The following GRXCR2 variants were observed in gnomAD, a reference collection of about 807,000 sequenced individuals.
GRXCR2 encodes the protein glutaredoxin domain-containing cysteine-rich protein 2.
Under a neutral mutation model 24.8 loss-of-function variants are expected in GRXCR2, and 23 were observed. The observed-to-expected ratio is 0.93, with a 90% CI of 0.67 to 1.32. The LOEUF is 1.32. GRXCR2 is among the 40% of genes most tolerant of loss of function. GRXCR2 has a pLI of 0.00. For missense variants in GRXCR2, 315 were observed against 303.4 expected (o/e 1.04, Z -0.28); for synonymous variants, 130 against 116.1 (o/e 1.12, Z -0.77).
chr5:145,878,085 G>A (rs956203245), intron 2 of GRXCR2, among the ~76,000 whole-genome samples: 1 of 152,154 alleles, frequency 6.6e-6, no homozygotes, highest in Admixed American at 6.6e-5. Flanking sequence ...CACAAAGATG[G>A]GGAGAAACCA....
upstream of GRXCR2, among the ~76,000 whole-genome samples, chr5:145,877,783 C>T (rs559527535): frequency 7.2e-4 from 109 of 152,354 alleles, 1 homozygote; most frequent in Admixed American, 7.1e-3. Context: ...CCGACAGACA[C>T]CTCATATAGG....
intron 2 of GRXCR2, among the ~76,000 whole-genome samples, chr5:145,895,784 T>G (rs1756940059): frequency 6.6e-6 from 1 of 152,158 alleles, no homozygotes; most frequent in Admixed American, 6.5e-5. Flanking sequence ...AAAACTACTT[T>G]AAAGTTCGTA....
intron 2 of GRXCR2, among the ~76,000 whole-genome samples, chr5:145,884,320 G>T (rs1581340184): frequency 6.6e-6 from 1 of 151,978 alleles, no homozygotes; most frequent in South Asian, 2.1e-4. Flanking sequence ...GCAGATAGAA[G>T]AAGCATTCTA....
At chr5:145,909,449 C>G (rs1408277923) in intron 2 of GRXCR2, among the ~76,000 whole-genome samples, 11 of 150,784 alleles carry the variant, frequency 7.3e-5, no homozygotes, top group Admixed American at 6.6e-4. Flanking sequence ...TGCCTCTATC[C>G]AAGTATCCAG....
chr5:145,899,311 T>C (rs1388263160), intron 2 of GRXCR2, among the ~76,000 whole-genome samples: 1 of 151,976 alleles, frequency 6.6e-6, no homozygotes, highest in Non-Finnish European at 1.5e-5. Context: ...AAAATCAATA[T>C]CACTAAAACA....
At chr5:145,881,733 C>T (rs1309019396) in intron 2 of GRXCR2, among the ~76,000 whole-genome samples, 1 of 152,124 alleles carries the variant, frequency 6.6e-6, no homozygotes, top group African/African-American at 2.4e-5. Flanking sequence ...GCAAAAAGAA[C>T]AAAACTGGAG....
At position 145,866,720 on chromosome 5, in the gene GRXCR2, A is replaced by T. The variant is rs1756444230; in HGVS notation, c.345T>A (p.Pro115=). 7 of 1,599,688 alleles carry T rather than the reference A, an allele frequency of 4.4e-6. No individual in the cohort carries two copies. Among genetic ancestry groups the T allele is most frequent in the Non-Finnish European group, 6.0e-6 (7 of 1,167,016 alleles). The change falls in exon 2 of 3, where the codon CCT becomes CCA. Residue 115 remains proline (P), a synonymous_variant. Transcript: ENST00000377976. ...DYKANDHKPL[P]IIDFGKIIIY... ...TGATTATCTTTCCAAAATCTATAAT[A>T]GGTAGGGGCTAGAGAAATGGAGAAT...
At chr5:145,918,321 G>T (rs1463198625) in intron 2 of GRXCR2, among the ~76,000 whole-genome samples, 1 of 152,174 alleles carries the variant, frequency 6.6e-6, no homozygotes, top group Non-Finnish European at 1.5e-5. Context: ...TTAGCCTGTG[G>T]TCTCACAGCT....
At chr5:145,883,799 G>A (rs1756739122) in intron 2 of GRXCR2, among the ~76,000 whole-genome samples, 1 of 152,096 alleles carries the variant, frequency 6.6e-6, no homozygotes, top group African/African-American at 2.4e-5. Context: ...GGAGTGAAAG[G>A]ATCACCTGAG....
intron 2 of GRXCR2, among the ~76,000 whole-genome samples, chr5:145,890,237 G>A (rs964140304): frequency 6.6e-6 from 1 of 152,048 alleles, no homozygotes; most frequent in Non-Finnish European, 1.5e-5. Context: ...TTACAGGCAT[G>A]TGCCACCATG....
intron 2 of GRXCR2, among the ~76,000 whole-genome samples, chr5:145,890,253 C>T (rs2149918667): frequency 6.6e-6 from 1 of 152,216 alleles, no homozygotes; most frequent in East Asian, 1.9e-4. Context: ...CCATGCCTAG[C>T]TAATTTTTGT....
intron 2 of GRXCR2, among the ~76,000 whole-genome samples, chr5:145,891,551 G>A (rs1251483729): frequency 6.6e-6 from 1 of 152,180 alleles, no homozygotes; most frequent in African/African-American, 2.4e-5. Context: ...ACAGCAGTCT[G>A]AGATCAAACT....
At position 145,858,884 on chromosome 5, in the gene GRXCR2, G is replaced by A. The variant is rs1374994777; in HGVS notation, c.*849C>T. 3 of 152,114 alleles carry A rather than the reference G, an allele frequency of 2.0e-5. No individual in the cohort carries two copies. The highest frequency in any genetic ancestry group is 7.2e-5 in the African/African-American group (3 of 41,416). 9.4% of individuals were successfully genotyped at this position (152,114 alleles called of 1,614,324 possible). ...TTTTTCTTTTAGAGATTTCCAGTAG[G>A]TAATCTATAAAATACCTGCAGTCCT... On this transcript the variant is annotated 3_prime_UTR_variant, in exon 3 of 3. Transcript: ENST00000377976.
At chr5:145,863,406 A>G (rs1172470319) in intron 2 of GRXCR2, among the ~76,000 whole-genome samples, 1 of 152,242 alleles carries the variant, frequency 6.6e-6, no homozygotes, top group Non-Finnish European at 1.5e-5. Flanking sequence ...GTCCTAGTTT[A>G]TAGCATTACA....
At chr5:145,919,867 C>A (rs1425883142) in intron 2 of GRXCR2, among the ~76,000 whole-genome samples, 1 of 152,154 alleles carries the variant, frequency 6.6e-6, no homozygotes, top group Non-Finnish European at 1.5e-5. Context: ...CCAACCTCCC[C>A]AAAACATGTC....
At chr5:145,896,696 C>T (rs10036694) in intron 2 of GRXCR2, among the ~76,000 whole-genome samples, 138 of 152,258 alleles carry the variant, frequency 9.1e-4, no homozygotes, top group African/African-American at 3.3e-3. Flanking sequence ...GGACTGTAAA[C>T]TAGTTCAACC....
intron 2 of GRXCR2, among the ~76,000 whole-genome samples, chr5:145,924,899 T>C (rs1481126065): frequency 6.6e-6 from 1 of 152,174 alleles, no homozygotes; most frequent in Admixed American, 6.6e-5. Flanking sequence ...GAGTTGACAG[T>C]CATGAAATGG....
chr5:145,920,098 T>C (rs1180754522), intron 2 of GRXCR2, among the ~76,000 whole-genome samples: 1 of 152,040 alleles, frequency 6.6e-6, no homozygotes, highest in Non-Finnish European at 1.5e-5. Flanking sequence ...CTACAAAAAT[T>C]GAAAATCAAG....
intron 2 of GRXCR2, among the ~76,000 whole-genome samples, chr5:145,892,223 C>T (rs751179977): frequency 8.6e-5 from 13 of 151,910 alleles, no homozygotes; most frequent in Non-Finnish European, 1.8e-4. Flanking sequence ...AAAATCAGAG[C>T]GCCTCTCCTC....
Sources: gnomAD v4.1 joint callset for allele counts (sites outside exome capture counted in the v4.1 genomes callset) on GRCh38, gnomAD v4.1.1 for gene constraint, MANE v1.5 for transcripts, NCBI Gene and HGNC (gene_info 2026-07-23, HGNC 2026-07-21) for gene names.